Variants in PHLDB1 observed in about 807,000 individuals in gnomAD.
PHLDB1 encodes pleckstrin homology-like domain family B member 1.
A neutral mutation model predicts 139.3 loss-of-function variants in PHLDB1; 65 were observed. That is an observed-to-expected ratio of 0.47 (90% CI 0.38 to 0.57). The LOEUF (loss-of-function observed/expected upper bound fraction) is 0.57, where lower values mean the gene tolerates loss of function less well. Ranked by LOEUF, PHLDB1 falls within the 20% of genes least tolerant of loss-of-function variation. The pLI is 0.00. For synonymous variants in PHLDB1, 679 were observed against 734.5 expected, an observed-to-expected ratio of 0.92 and a Z score of 1.22; for missense variants, 1,624 against 1,839.7, an observed-to-expected ratio of 0.88 and a Z score of 2.14.
At chr11:118,644,614 A>G (rs1947145392) in intron 15 of PHLDB1, 1 of 1,275,958 alleles carries the variant, frequency 7.8e-7, no homozygotes, top group Non-Finnish European at 1.0e-6. Context: ...CTGTGTCTCT[A>G]CCGTACCCTC....
intron 5 of PHLDB1, 64 bp from the exon 6 acceptor site, chr11:118,627,241 T>C: frequency 6.6e-7 from 1 of 1,512,018 alleles, no homozygotes. Flanking sequence ...GGAGGGGGGC[T>C]AGTGCTCTGG....
At chr11:118,638,836 C>A in intron 10 of PHLDB1, 55 bp from the exon 11 acceptor site, 1 of 1,365,658 alleles carries the variant, frequency 7.3e-7, no homozygotes, top group Non-Finnish European at 1.0e-6. Context: ...CTAGTTCTCA[C>A]CTTGGGCTCA....
At position 118,610,658 on chromosome 11, in the gene PHLDB1, A is replaced by C. The variant is rs1939995571; in HGVS notation, c.-22+2959A>C. The C allele has an allele frequency of 5.5e-6, 1 of 181,416 alleles. No homozygotes were observed. The highest frequency in any genetic ancestry group is 1.9e-4 in the South Asian group (1 of 5,402). The allele number at this position is 181,416 out of a possible 1,614,324, so 11.2% of individuals were successfully genotyped here. On this transcript the variant is annotated intron_variant, in intron 1 of 22. Transcript: ENST00000600882. This position sits in a 1 kb window ranked among gnomAD's most constrained non-coding sequence, Gnocchi z 8.7. ...TCCGTGGGAGCCCGGGAGCTGTGTC[A>C]GTGCCCGTTGGTGCTGGAGCCAGTC...
At chr11:118,649,211 G>A (rs539607040) in intron 18 of PHLDB1, among the ~76,000 whole-genome samples, 135 of 152,154 alleles carry the variant, frequency 8.9e-4, no homozygotes, top group African/African-American at 3.2e-3. Flanking sequence ...AATCCAGGAG[G>A]TGGAGGTTGC....
Position 118,639,164 on chromosome 11 carries a change from G to C in PHLDB1, c.2649G>C (p.Glu883Asp). ...KNASLQLLQK[E>D]KEKLTVLERR... ...ACTCTGCCATTCTGGGCTCGCAGGAGAAGGAGAAGCTGACTGTGCTGGAAA... is the reference window on the plus strand; with the variant it reads ...ACTCTGCCATTCTGGGCTCGCAGGACAAGGAGAAGCTGACTGTGCTGGAAA... Residue 883 changes from glutamate to aspartate, a missense_variant and splice_region_variant, in exon 12 of 23, where the codon GAG becomes GAC. Transcript: ENST00000600882. 6.2e-7 allele frequency: 1 copy of C among 1,614,056 alleles called. No individual in the cohort carries two copies. The highest frequency in any genetic ancestry group is 1.1e-5 in the South Asian group (1 of 91,080).
chr11:118,607,922 C>T (rs1939430929), intron 1 of PHLDB1, among the ~76,000 whole-genome samples: 1 of 152,022 alleles, frequency 6.6e-6, no homozygotes, highest in Admixed American at 6.5e-5. Context: ...TTGCCTTCCT[C>T]GGCCGCTGCC....
chr11:118,633,758 G>A (rs1945165713), intron 9 of PHLDB1: 3 of 152,278 alleles, frequency 2.0e-5, no homozygotes, highest in African/African-American at 7.2e-5. Context: ...CCCAGGAACT[G>A]GCCTGATTAG....
chr11:118,633,669 ACTCTT>A (rs1945150979), intron 9 of PHLDB1: 1 of 151,794 alleles, frequency 6.6e-6, no homozygotes. Flanking sequence ...GGTAGCCCCT[ACTCTT>A]CTCCTCACTC....
rs1006232478 is a variant in PHLDB1 at position 118,632,355 on chromosome 11, A to G, written c.2379+59A>G. On this transcript the variant is annotated intron_variant, in intron 9 of 22. Transcript: ENST00000600882. The surrounding 1 kb of genome is among the most constrained non-coding windows in gnomAD (Gnocchi z 5.9). ...ACCAGTGGCCTGGGAGAGAAGGAGA[A>G]ATGTCTTCTCTGGGGCCCTGTACCC... 5.5e-5 allele frequency: 86 copies of G among 1,550,610 alleles called. No homozygotes were observed. The Admixed American group carries it at 1.4e-3, about 26-fold the overall frequency.
intron 1 of PHLDB1, among the ~76,000 whole-genome samples, chr11:118,609,171 TCACA>T (rs1340816546): frequency 1.1e-5 from 1 of 90,756 alleles, no homozygotes; most frequent in Non-Finnish European, 2.1e-5. Context: ...AAGCAGCCCG[TCACA>T]CACACAGCCC....
At chr11:118,615,385 C>T (rs1255596786) in intron 3 of PHLDB1, among the ~76,000 whole-genome samples, 1 of 152,096 alleles carries the variant, frequency 6.6e-6, no homozygotes, top group Non-Finnish European at 1.5e-5. Context: ...AGGGCAAGAT[C>T]TCCCAAGATG....
chr11:118,632,724 T>A lies in PHLDB1; in HGVS notation c.2379+428T>A. 1 of 255,996 alleles carries A rather than the reference T, an allele frequency of 3.9e-6. No individual in the cohort carries two copies. Among genetic ancestry groups the A allele is most frequent in the Non-Finnish European group, 6.4e-6 (1 of 157,078 alleles). 15.9% of individuals were successfully genotyped at this position (255,996 alleles called of 1,614,324 possible). A position where few individuals can be genotyped will look rare whatever the true frequency, so the allele number is the denominator to read the frequency against. Reference sequence around the variant, plus strand: ...CGTTGTGATCTTTGGGAGATGGCCCTCGGGCCTCTGCTTCCCTTGAGCCTT... The same window carrying A: ...CGTTGTGATCTTTGGGAGATGGCCCACGGGCCTCTGCTTCCCTTGAGCCTT... On this transcript the variant is annotated intron_variant, in intron 9 of 22. Coordinates refer to ENST00000600882, the MANE Select transcript of PHLDB1 (RefSeq NM_001144758.3). The surrounding 1 kb of genome is among the most constrained non-coding windows in gnomAD (Gnocchi z 5.9).
Position 118,635,540 on chromosome 11 carries a change from A to C in PHLDB1, c.2527A>C (p.Lys843Gln), listed in dbSNP as rs370428332. 1 of 1,548,558 alleles carries C rather than the reference A, an allele frequency of 6.5e-7. No individual in the cohort carries two copies. The highest frequency in any genetic ancestry group is 8.7e-7 in the Non-Finnish European group (1 of 1,148,526). ...SKAELLRSIA[K>Q]RKERLAILDS... ...GGCTGAGCTGCTCCGCAGCATCGCCAAGAGGAAGGTGTGCCCCACCTCGTT... is the reference window on the plus strand; with the variant it reads ...GGCTGAGCTGCTCCGCAGCATCGCCCAGAGGAAGGTGTGCCCCACCTCGTT... Residue 843 changes from lysine (K) to glutamine (Q), a missense_variant, in exon 10 of 23, where the codon AAG (lysine) becomes CAG (glutamine). Transcript: ENST00000600882.
rs370826973 is a variant in PHLDB1 at position 118,608,351 on chromosome 11, C to T, written c.-22+652C>T. Among the ~76,000 whole-genome samples the T allele has an allele frequency of 6.6e-6, 1 of 152,178 alleles. No homozygotes were observed. ...CCTGGGGCGCCTTGCCACGCCCGCGCGGTCCCTATTGGAATCCCTAGCGGA... is the reference window on the plus strand; with the variant it reads ...CCTGGGGCGCCTTGCCACGCCCGCGTGGTCCCTATTGGAATCCCTAGCGGA... On this transcript the variant is annotated intron_variant, in intron 1 of 22. Coordinates refer to ENST00000600882, the MANE Select transcript of PHLDB1 (RefSeq NM_001144758.3). This position sits in a 1 kb window ranked among gnomAD's most constrained non-coding sequence, Gnocchi z 6.7.
Position 118,627,239 on chromosome 11 carries a change from G to A in PHLDB1, c.482-66G>A, listed in dbSNP as rs538044210. Reference sequence around the variant, plus strand: ...GCCTCACTGTGCTAGGAGGAGGGGGGCTAGTGCTCTGGCTTTTATGCATAT... The same window carrying A: ...GCCTCACTGTGCTAGGAGGAGGGGGACTAGTGCTCTGGCTTTTATGCATAT... On this transcript the variant is annotated intron_variant, in intron 5 of 22. Transcript: ENST00000600882. 3 of 1,497,076 alleles carry A rather than the reference G, an allele frequency of 2.0e-6. No individual in the cohort carries two copies. The East Asian group carries it at 6.8e-5, about 34-fold the overall frequency. 92.7% of individuals were successfully genotyped at this position (1,497,076 alleles called of 1,614,324 possible).
chr11:118,631,375 GA>G lies in PHLDB1; in HGVS notation c.1997del (p.Glu666GlyfsTer49). On this transcript the variant is annotated frameshift_variant, in exon 7 of 23. Coordinates refer to ENST00000600882, the MANE Select transcript of PHLDB1 (RefSeq NM_001144758.3). LOFTEE classifies it high-confidence loss of function. ...TGCAGGGGCCTCTGGGCGGAGCAGC[GA>G]GGAGCCTGGCGTTGCCACCCAACGC... ...GLAGASGRSS[E>X]EPGVATQRLW... 6.6e-7 allele frequency: 1 copy of G among 1,518,706 alleles called. No individual in the cohort carries two copies. Among genetic ancestry groups the G allele is most frequent in the South Asian group, 1.3e-5 (1 of 77,768 alleles). 94.1% of individuals were successfully genotyped at this position (1,518,706 alleles called of 1,614,324 possible).
At chr11:118,626,658 C>T (rs1419438097) in intron 5 of PHLDB1, among the ~76,000 whole-genome samples, 2 of 151,952 alleles carry the variant, frequency 1.3e-5, no homozygotes, top group African/African-American at 4.8e-5. Flanking sequence ...GCTGGGATTA[C>T]AGGCGTGAGC....
intron 1 of PHLDB1, among the ~76,000 whole-genome samples, chr11:118,609,723 G>A (rs1555082086): frequency 6.6e-6 from 1 of 152,238 alleles, no homozygotes; most frequent in Non-Finnish European, 1.5e-5. Flanking sequence ...CGCTTGTCAG[G>A]GGCGGGCGGG....
intron 10 of PHLDB1, among the ~76,000 whole-genome samples, chr11:118,638,248 G>A (rs1309346982): frequency 1.3e-5 from 2 of 152,178 alleles, no homozygotes; most frequent in African/African-American, 2.4e-5. Flanking sequence ...CAAAGGGTTC[G>A]GGAGCCCCGA....
Sources: gnomAD v4.1 joint callset for allele counts (sites outside exome capture counted in the v4.1 genomes callset) on GRCh38, gnomAD v4.1.1 for gene constraint, Gnocchi (gnomAD v3.1) non-coding constraint, MANE v1.5 for transcripts, NCBI Gene and HGNC (gene_info 2026-07-23, HGNC 2026-07-21) for gene names.